Variants in WDR43 observed in about 807,000 individuals in gnomAD.
WDR43 encodes the protein WD repeat-containing protein 43.
In WDR43, 13 loss-of-function variants were observed where a neutral mutation model predicts 91.4. That is an observed-to-expected ratio of 0.14 (90% confidence interval 0.09 to 0.23). The LOEUF is 0.23. WDR43 is among the 10% of genes least tolerant of loss of function. WDR43 has a pLI of 1.00. For synonymous variants in WDR43, 331 were observed against 287.9 expected (o/e 1.15, Z -1.51); for missense variants, 780 against 809.4 (o/e 0.96, Z 0.44).
At chr2:28,900,658 G>A (rs891912254) in intron 1 of WDR43, among the ~76,000 whole-genome samples, 3 of 152,100 alleles carry the variant, frequency 2.0e-5, no homozygotes, top group Non-Finnish European at 4.4e-5. Context: ...TAACTGAAAC[G>A]GGGACCTAGA....
rs1415310036 is a variant in WDR43 at position 28,946,478 on chromosome 2, A to G, written c.1833A>G (p.Glu611=). The G allele has an allele frequency of 6.2e-7, 1 of 1,612,146 alleles. No homozygotes were observed. Among genetic ancestry groups the G allele is most frequent in the Non-Finnish European group, 8.5e-7 (1 of 1,179,144 alleles). ...EESSEEESDD[E]IADKDSEDNW... is the part of the protein sequence containing the mutation. ...CTTCTGAAGAGGAGTCTGATGATGA[A>G]ATAGCAGATAAGGATTCTGAAGTGA... The change falls in exon 17 of 18, where the codon GAA becomes GAG. Residue 611 remains glutamate (E), a synonymous_variant. Transcript: ENST00000407426.
At chr2:28,898,742 G>T (rs992382816) in intron 1 of WDR43, among the ~76,000 whole-genome samples, 1 of 151,962 alleles carries the variant, frequency 6.6e-6, no homozygotes, top group African/African-American at 2.4e-5. Context: ...ACTACTAGCC[G>T]TGGGAAGTTT....
chr2:28,902,235 C>T, intron 2 of WDR43, 111 bp downstream of exon 2: 2 of 1,113,454 alleles, frequency 1.8e-6, no homozygotes, highest in African/African-American at 1.6e-5. Context: ...GCAGTAGGGA[C>T]AGTTTTCAGT....
At chr2:28,938,083 A>G (rs1249040298) in intron 14 of WDR43, 89 bp downstream of exon 14, 5 of 1,386,268 alleles carry the variant, frequency 3.6e-6, no homozygotes, top group Admixed American at 2.0e-5. Context: ...GAACAAAACC[A>G]TCCTTTCCCC....
rs940504421 is a variant in WDR43 at position 28,914,143 on chromosome 2, C to G, written c.681C>G (p.Pro227=). ...TCAGACCTCCTAATGAGAGCCAGCC[C>G]TTTGATGGAATTACAGGTCTTTATT... is the stretch of plus-strand genomic sequence containing the variant. The part of the protein sequence containing the change: ...TTIRPPNESQ[P]FDGITGLYFL... The change falls in exon 5 of 18, where the codon CCC becomes CCG. Residue 227 remains proline (P), a synonymous_variant. Coordinates refer to ENST00000407426, the MANE Select transcript of WDR43 (RefSeq NM_015131.3). 3 of 1,613,950 alleles carry G rather than the reference C, an allele frequency of 1.9e-6. No individual in the cohort carries two copies. The highest frequency in any genetic ancestry group is 2.2e-5 in the East Asian group (1 of 44,868).
chr2:28,948,045 A>G lies in WDR43; in HGVS notation c.*1266A>G, dbSNP rs1480289050. 6.6e-6 allele frequency: 1 copy of G among 152,124 alleles called. No homozygotes were observed. The highest frequency in any genetic ancestry group is 1.5e-5 in the Non-Finnish European group (1 of 68,020). 9.4% of individuals were successfully genotyped at this position (152,124 alleles called of 1,614,324 possible). A position where few individuals can be genotyped will look rare whatever the true frequency, so the allele number is the denominator to read the frequency against. On this transcript the variant is annotated 3_prime_UTR_variant, in exon 18 of 18. Coordinates refer to ENST00000407426, the MANE Select transcript of WDR43 (RefSeq NM_015131.3). Reference sequence around the variant, plus strand: ...TGAGGGAGTTTTTAATACCAATGACAGAACAGAGATTTGTGTGCTCATCTT... The same window carrying G: ...TGAGGGAGTTTTTAATACCAATGACGGAACAGAGATTTGTGTGCTCATCTT...
Position 28,921,663 on chromosome 2 carries a change from C to T in WDR43, c.850-1256C>T, listed in dbSNP as rs146847877. Among the ~76,000 whole-genome samples, 51 of 152,234 alleles carry T rather than the reference C, an allele frequency of 3.4e-4. 2 individuals carry two copies. Among genetic ancestry groups the T allele is most frequent in the South Asian group, 8.3e-4 (4 of 4,816 alleles). On this transcript the variant is annotated intron_variant, in intron 6 of 17. Coordinates refer to ENST00000407426, the MANE Select transcript of WDR43 (RefSeq NM_015131.3). ...ATGCCTGTCAGTTGGAGTTGCAGAA[C>T]GGGGAACTAGAAAATTTGATGGCGG...
intron 11 of WDR43, among the ~76,000 whole-genome samples, chr2:28,931,983 C>G (rs1184202965): frequency 6.6e-6 from 1 of 150,598 alleles, no homozygotes; most frequent in Non-Finnish European, 1.5e-5. Context: ...TCAAGTGATC[C>G]TGCCACCTCA....
At chr2:28,940,660 T>G (rs913443784) in intron 14 of WDR43, among the ~76,000 whole-genome samples, 2 of 152,226 alleles carry the variant, frequency 1.3e-5, no homozygotes, top group Non-Finnish European at 2.9e-5. Context: ...CATTTAAATT[T>G]TTCCAGTTGC....
chr2:28,931,551 T>C (rs750541834), intron 11 of WDR43, among the ~76,000 whole-genome samples: 8 of 152,222 alleles, frequency 5.3e-5, no homozygotes, highest in Non-Finnish European at 1.5e-5. Context: ...ATTTAACACA[T>C]TGCTCTGTTT....
At chr2:28,937,086 A>G in intron 13 of WDR43, 133 bp downstream of exon 13, 1 of 822,090 alleles carries the variant, frequency 1.2e-6, no homozygotes, top group Non-Finnish European at 1.9e-6. Flanking sequence ...CCTTATTTTA[A>G]GTTGAATGAT....
intron 11 of WDR43, among the ~76,000 whole-genome samples, chr2:28,934,436 C>T (rs1671302065): frequency 6.6e-6 from 1 of 152,124 alleles, no homozygotes; most frequent in African/African-American, 2.4e-5. Context: ...ATTTGTACTG[C>T]AGTAAAGTTG....
At chr2:28,903,812 AT>A (rs1189785052) in intron 2 of WDR43, among the ~76,000 whole-genome samples, 3 of 151,080 alleles carry the variant, frequency 2.0e-5, no homozygotes, top group East Asian at 1.9e-4. Context: ...TAGAAGACTT[AT>A]TTTTTTTTAA....
chr2:28,924,953 T>G, intron 7 of WDR43, 29 bp from the exon 8 acceptor site: 1 of 1,593,048 alleles, frequency 6.3e-7, no homozygotes, highest in African/African-American at 1.4e-5. Flanking sequence ...TTTCAAATTC[T>G]TTAATCTCAT....
At chr2:28,934,678 A>G (rs891194499) in intron 11 of WDR43, among the ~76,000 whole-genome samples, 1 of 152,206 alleles carries the variant, frequency 6.6e-6, no homozygotes, top group African/African-American at 2.4e-5. Context: ...TGATCATGTC[A>G]GTGCACTCCA....
chr2:28,906,355 C>A, intron 2 of WDR43, 105 bp from the exon 3 acceptor site: 1 of 1,169,374 alleles, frequency 8.6e-7, no homozygotes. Context: ...GGAGCACTGG[C>A]TCATGCCTGT....
At chr2:28,915,385 C>A (rs1314359292) in intron 5 of WDR43, among the ~76,000 whole-genome samples, 2 of 152,178 alleles carry the variant, frequency 1.3e-5, no homozygotes, top group African/African-American at 4.8e-5. Context: ...AAATTAAAAT[C>A]TACTACCAGG....
intron 3 of WDR43, among the ~76,000 whole-genome samples, chr2:28,910,813 T>C (rs1442131091): frequency 6.6e-6 from 1 of 151,810 alleles, no homozygotes; most frequent in Non-Finnish European, 1.5e-5. Context: ...TCCTCCTGTC[T>C]CAGCCTCCCG....
At position 28,945,831 on chromosome 2, in the gene WDR43, A is replaced by G. The variant is rs562188189; in HGVS notation, c.1805-619A>G. 8.4e-4 allele frequency among the ~76,000 whole-genome samples: 128 copies of G among 152,310 alleles called. 1 individual carries two copies. The South Asian group carries it at 0.025, about 30-fold the overall frequency. On this transcript the variant is annotated intron_variant, in intron 16 of 17. Coordinates refer to ENST00000407426, the MANE Select transcript of WDR43 (RefSeq NM_015131.3). ...ATATATCAGTTGCTAATATTTCATT[A>G]TTAGTACTTTATGGGTTAAATAATG...
Sources: gnomAD v4.1 joint callset for allele counts (sites outside exome capture counted in the v4.1 genomes callset) on GRCh38, gnomAD v4.1.1 for gene constraint, MANE v1.5 for transcripts, NCBI Gene and HGNC (gene_info 2026-07-23, HGNC 2026-07-21) for gene names.